GGT6: variants seen among roughly 807,000 people sequenced by gnomAD.
GGT6 encodes the protein gamma-glutamyltransferase 6.
In GGT6, 13 loss-of-function variants were observed where a neutral mutation model predicts 17.0. That is an observed-to-expected ratio of 0.77 (90% CI 0.50 to 1.22). The LOEUF (loss-of-function observed/expected upper bound fraction) is 1.22, where lower values mean the gene tolerates loss of function less well. GGT6 is among the 50% of genes most tolerant of loss of function. GGT6 has a pLI of 0.00. For synonymous variants in GGT6, 305 were observed against 297.9 expected (o/e 1.02, Z -0.25); for missense variants, 628 against 643.7 (o/e 0.98, Z 0.26).
rs753477664 is a variant in GGT6, at chr17:4,559,761, C to T, written c.141-1G>A. ...TCCGGGCAGCCCGCCAGCCTTGTTC[C>T]TGCAGAGGGGGGGTGTCCTGAGCCA... On this transcript the variant is annotated splice_acceptor_variant, in intron 1 of 3. Coordinates refer to ENST00000381550, the MANE Select transcript of GGT6 (RefSeq NM_001288702.2). LOFTEE classifies it high-confidence loss of function. 1.6e-5 allele frequency: 25 copies of T among 1,610,462 alleles called. No individual in the cohort carries two copies. In the Middle Eastern group the frequency reaches 1.3e-3, roughly 83 times the overall value.
In GGT6 at chr17:4,560,493, T is replaced by A; in HGVS notation, c.29A>T (p.Tyr10Phe). The A allele has an allele frequency of 1.2e-6, 2 of 1,613,048 alleles. No homozygotes were observed. The highest frequency in any genetic ancestry group is 1.7e-6 in the Non-Finnish European group (2 of 1,180,012). MERAEEPVV[Y>F]QKLLPWEPSL... The stretch of plus-strand genomic sequence containing the variant: ...TGGCTCCCAGGGCAGCAGCTTCTGA[T>A]AGACCACGGGCTCTTCTGCCCGCTC... Residue 10 changes from tyrosine to phenylalanine, a missense_variant, in exon 1 of 4, where the codon TAT (tyrosine) becomes TTT (phenylalanine). Physicochemically the swap from Tyr to Phe is conservative, Grantham distance 22. Transcript: ENST00000381550.
rs1908526504 is a variant in GGT6, at chr17:4,560,030, G to A, written c.141-270C>T. On this transcript the variant is annotated intron_variant, in intron 1 of 3. Coordinates refer to ENST00000381550, the MANE Select transcript of GGT6 (RefSeq NM_001288702.2). The stretch of plus-strand genomic sequence containing the variant: ...TCAGGTGGGAGGGAGGCCCAGTGGG[G>A]TGTGGCAGGCAGGAGAGAAGGGGCT... The A allele has an allele frequency of 2.4e-5, 14 of 580,834 alleles. 1 individual carries two copies. The South Asian group carries it at 2.5e-4, about 10-fold the overall frequency. 36.0% of individuals were successfully genotyped at this position (580,834 alleles called of 1,614,324 possible). A position where few individuals can be genotyped will look rare whatever the true frequency, so the allele number is the denominator to read the frequency against.
Position 4,558,289 on chromosome 17 carries a change from A to G in GGT6, c.1226T>C (p.Ile409Thr), listed in dbSNP as rs1193400018. 1 of 1,613,836 alleles carries G rather than the reference A, an allele frequency of 6.2e-7. No individual in the cohort carries two copies. The highest frequency in any genetic ancestry group is 1.6e-4 in the Middle Eastern group (1 of 6,062). The change falls in exon 4 of 4, where the codon ATC becomes ACC. Residue 409 changes from isoleucine (I) to threonine (T), a missense_variant. Coordinates refer to ENST00000381550, the MANE Select transcript of GGT6 (RefSeq NM_001288702.2). ...STTSAWACPL[I>T]LRGSLDDTEA... ...TGTGTCATCCAGGCTGCCACGGAGG[A>G]TGAGGGGGCAGGCCCAGGCACTAGT...
chr17:4,559,237 C>A (rs1908445506), intron 3 of GGT6, 106 bp downstream of exon 3: 3 of 1,184,886 alleles, frequency 2.5e-6, no homozygotes, highest in Non-Finnish European at 3.7e-6. Context: ...AACCCTAAGT[C>A]CTGCTCACTT....
In GGT6 at chr17:4,558,863, C is replaced by T. The variant is rs1259142493; in HGVS notation, c.652G>A (p.Gly218Ser). The change falls in exon 4 of 4, where the codon GGC becomes AGC. Residue 218 changes from glycine (G) to serine (S), a missense_variant. Physicochemically the swap from Gly to Ser is moderately conservative, Grantham distance 56 (BLOSUM62 0). Coordinates refer to ENST00000381550, the MANE Select transcript of GGT6 (RefSeq NM_001288702.2). ...GCCAGGGGTGTGTCCACCAGGAAGC[C>T]CTCCTGAGCCAGCGTGGTGGGGCCC... ...LVGPTTLAQE[G>S]FLVDTPLARA... is the part of the protein sequence containing the mutation. 1 of 1,546,484 alleles carries T rather than the reference C, an allele frequency of 6.5e-7. No homozygotes were observed. Among genetic ancestry groups the T allele is most frequent in the East Asian group, 2.4e-5 (1 of 40,878 alleles).
rs781285564 is a variant in GGT6, at chr17:4,560,540, C to G, written c.-19G>C. The G allele has an allele frequency of 6.2e-7, 1 of 1,606,706 alleles. No homozygotes were observed. Among genetic ancestry groups the G allele is most frequent in the South Asian group, 1.1e-5 (1 of 91,066 alleles). ...GCTCCATGGCCCCCCAGTGCTCGCC[C>G]CAGCCCTCCTGCCTGCCAGCCTTTC... On this transcript the variant is annotated 5_prime_UTR_variant, in exon 1 of 4. Transcript: ENST00000381550.
rs768549067 is a variant in GGT6 at position 4,559,770 on chromosome 17, G to T, written c.141-10C>A. 3 of 1,609,310 alleles carry T rather than the reference G, an allele frequency of 1.9e-6. No individual in the cohort carries two copies. The highest frequency in any genetic ancestry group is 2.5e-6 in the Non-Finnish European group (3 of 1,179,070). On this transcript the variant is annotated splice_polypyrimidine_tract_variant and intron_variant, in intron 1 of 3. Transcript: ENST00000381550. Reference sequence around the variant, plus strand: ...CCCGCCAGCCTTGTTCCTGCAGAGGGGGGGTGTCCTGAGCCACGGCTGGGA... The same window carrying T: ...CCCGCCAGCCTTGTTCCTGCAGAGGTGGGGTGTCCTGAGCCACGGCTGGGA...
rs1908571358 is a variant in GGT6 at position 4,560,495 on chromosome 17, G to C, written c.27C>G (p.Val9=). Residue 9 remains valine, a synonymous_variant, in exon 1 of 4, where the codon GTC becomes GTG. Transcript: ENST00000381550. ...GCTCCCAGGGCAGCAGCTTCTGATA[G>C]ACCACGGGCTCTTCTGCCCGCTCCA... The part of the protein sequence containing the change: MERAEEPV[V]YQKLLPWEPS... 1 of 1,612,740 alleles carries C rather than the reference G, an allele frequency of 6.2e-7. No homozygotes were observed. The highest frequency in any genetic ancestry group is 8.5e-7 in the Non-Finnish European group (1 of 1,180,012).
At position 4,560,428 on chromosome 17, in the gene GGT6, A is replaced by C; in HGVS notation, c.94T>G (p.Ser32Ala). The change falls in exon 1 of 4, where the codon TCA becomes GCA. Residue 32 changes from serine (S) to alanine (A), a missense_variant. By Grantham distance (99) the Ser-to-Ala change is moderately conservative (BLOSUM62 1). Transcript: ENST00000381550. ...SEEEVEEEET[S>A]EALVLNPRRH... The stretch of plus-strand genomic sequence containing the variant: ...CGGGGGTTTAGAACCAGCGCCTCTG[A>C]TGTCTCCTCCTCCTCCACTTCCTCC... The C allele has an allele frequency of 2.5e-6, 4 of 1,614,038 alleles. No homozygotes were observed. Among genetic ancestry groups the C allele is most frequent in the Non-Finnish European group, 3.4e-6 (4 of 1,179,994 alleles).
chr17:4,557,259 C>G lies in GGT6; in HGVS notation c.*756G>C, dbSNP rs1272507881. 2.7e-5 allele frequency: 4 copies of G among 150,634 alleles called. No homozygotes were observed. The highest frequency in any genetic ancestry group is 9.8e-5 in the African/African-American group (4 of 40,914). The allele number at this position is 150,634 out of a possible 1,614,324, so 9.3% of individuals were successfully genotyped here. A position where few individuals can be genotyped will look rare whatever the true frequency, so the allele number is the denominator to read the frequency against. On this transcript the variant is annotated 3_prime_UTR_variant, in exon 4 of 4. Coordinates refer to ENST00000381550, the MANE Select transcript of GGT6 (RefSeq NM_001288702.2). ...GATGCCAGAACTCAAGTCTAGGTAA[C>G]TTAAAAGGCCAGAGGTTGGGGCCTG... is the stretch of plus-strand genomic sequence containing the variant.
Position 4,557,993 on chromosome 17 carries a change from T to G in GGT6, c.*22A>C. ...CCATGCTTCAGATAACTCTGCCTTC[T>G]GCCAGACCCACCCCCATCCTGTTAG... On this transcript the variant is annotated 3_prime_UTR_variant, in exon 4 of 4. Transcript: ENST00000381550. The G allele has an allele frequency of 6.8e-7, 1 of 1,466,848 alleles. No individual in the cohort carries two copies. Among genetic ancestry groups the G allele is most frequent in the South Asian group, 1.3e-5 (1 of 74,444 alleles). The allele number at this position is 1,466,848 out of a possible 1,614,324, so 90.9% of individuals were successfully genotyped here.
chr17:4,559,706 C>G lies in GGT6; in HGVS notation c.195G>C (p.Leu65=). 6.2e-7 allele frequency: 1 copy of G among 1,611,934 alleles called. No homozygotes were observed. The highest frequency in any genetic ancestry group is 8.5e-7 in the Non-Finnish European group (1 of 1,179,962). The change falls in exon 2 of 4, where the codon CTG becomes CTC. Residue 65 remains leucine (L), a synonymous_variant. Transcript: ENST00000381550. ...CCAGGGAGCAGCCAACAGCCAGCAG[C>G]AGCAGGGCTGCCACTACACGGGCCC... ...GTWARVVAAL[L]LLAVGCSLAV...
intron 1 of GGT6, among the ~76,000 whole-genome samples, chr17:4,560,179 A>C (rs1908536823): frequency 6.6e-6 from 1 of 152,198 alleles, no homozygotes; most frequent in Non-Finnish European, 1.5e-5. Flanking sequence ...GGCTTGGTAC[A>C]AATGTCCCTC....
chr17:4,560,223 G>A (rs1279710266), intron 1 of GGT6, among the ~76,000 whole-genome samples, 159 bp downstream of exon 1: 1 of 152,224 alleles, frequency 6.6e-6, no homozygotes, highest in East Asian at 1.9e-4. Flanking sequence ...GTCAGGCCAA[G>A]TCTCGGGCTA....
At position 4,558,419 on chromosome 17, in the gene GGT6, C is replaced by T. The variant is rs754867050; in HGVS notation, c.1096G>A (p.Gly366Ser). 2.5e-5 allele frequency: 40 copies of T among 1,605,678 alleles called. No individual in the cohort carries two copies. Among genetic ancestry groups the T allele is most frequent in the Non-Finnish European group, 2.7e-5 (32 of 1,180,002 alleles). The change falls in exon 4 of 4, where the codon GGC (glycine) becomes AGC (serine). Residue 366 changes from glycine (G) to serine (S), a missense_variant. Coordinates refer to ENST00000381550, the MANE Select transcript of GGT6 (RefSeq NM_001288702.2). ...SSALAAVDSS[G>S]SVLLLTSSLN... Reference sequence around the variant, plus strand: ...GAGGAGGTGAGAAGGAGCACAGAGCCGCTGCTGTCCACGGCGGCCAGGGCA... The same window carrying T: ...GAGGAGGTGAGAAGGAGCACAGAGCTGCTGCTGTCCACGGCGGCCAGGGCA...
Position 4,559,350 on chromosome 17 carries a change from C to G in GGT6, c.450G>C (p.Thr150=), listed in dbSNP as rs554077405. 1.9e-6 allele frequency: 3 copies of G among 1,550,938 alleles called. No individual in the cohort carries two copies. The highest frequency in any genetic ancestry group is 2.6e-6 in the Non-Finnish European group (3 of 1,146,424). Residue 150 remains threonine (T), a synonymous_variant, in exon 3 of 4, where the codon ACG becomes ACC. Transcript: ENST00000381550. The stretch of plus-strand genomic sequence containing the variant: ...GGGTCAGGGGTCACTGACCTAGCCC[C>G]GTGGCATGAGGATGCACCACTGCCA... ...LCLAVVHPHA[T]GLGAMFWGLF...
Position 4,558,063 on chromosome 17 carries a change from G to T in GGT6, c.1452C>A (p.Ala484=), listed in dbSNP as rs777019065. 7 of 1,587,212 alleles carry T rather than the reference G, an allele frequency of 4.4e-6. No individual in the cohort carries two copies. In the Admixed American group the frequency reaches 1.2e-4, roughly 27 times the overall value. The part of the protein sequence containing the change: ...LLQVAAHTEH[A]HVSSVPHACC... ...AGGCATGGGGGACACTGGAGACATG[G>T]GCGTGCTCTGTGTGGGCTGCCACCT... The change falls in exon 4 of 4, where the codon GCC becomes GCA. Residue 484 remains alanine, a synonymous_variant. Transcript: ENST00000381550.
chr17:4,559,470 G>T lies in GGT6; in HGVS notation c.344-14C>A, dbSNP rs908792013. On this transcript the variant is annotated splice_polypyrimidine_tract_variant and intron_variant, in intron 2 of 3. Coordinates refer to ENST00000381550, the MANE Select transcript of GGT6 (RefSeq NM_001288702.2). ...GGGAGCATGTGGCTGCAGCAAGGAA[G>T]GCACTGTCATGCAGCAAGGAGGGGG... is the stretch of plus-strand genomic sequence containing the variant. The T allele has an allele frequency of 1.3e-6, 2 of 1,560,308 alleles. No homozygotes were observed. Among genetic ancestry groups the T allele is most frequent in the Non-Finnish European group, 1.7e-6 (2 of 1,151,660 alleles).
Position 4,558,525 on chromosome 17 carries a change from C to T in GGT6, c.990G>A (p.Leu330=), listed in dbSNP as rs139932239. 29 of 1,588,824 alleles carry T rather than the reference C, an allele frequency of 1.8e-5. No individual in the cohort carries two copies. In the African/African-American group the frequency reaches 2.9e-4, roughly 16 times the overall value. Residue 330 remains leucine, a synonymous_variant, in exon 4 of 4, where the codon TTG becomes TTA. Coordinates refer to ENST00000381550, the MANE Select transcript of GGT6 (RefSeq NM_001288702.2). ...GCGCCCCGGAGCGCAGGGCTGCCTC[C>T]AACAGTGCCAGCAGTTCTGGGCCAG... ...PSAGPELLAL[L]EAALRSGAPI... is the part of the protein sequence containing the mutation.
Sources: gnomAD v4.1 joint callset for allele counts (sites outside exome capture counted in the v4.1 genomes callset) on GRCh38, gnomAD v4.1.1 for gene constraint, MANE v1.5 for transcripts, NCBI Gene and HGNC (gene_info 2026-07-23, HGNC 2026-07-21) for gene names.